Variants in MAN1C1 observed in about 807,000 individuals in gnomAD.
MAN1C1 encodes the protein mannosyl-oligosaccharide 1,2-alpha-mannosidase IC.
MAN1C1 carries 49 observed loss-of-function variants against 71.5 expected under a neutral mutation model. That is an observed-to-expected ratio of 0.69 (90% CI 0.54 to 0.87). The LOEUF is 0.87. Ranked by LOEUF, MAN1C1 falls within the 40% of genes least tolerant of loss-of-function variation. MAN1C1 has a pLI of 0.00. For synonymous variants in MAN1C1, 352 were observed against 343.7 expected (o/e 1.02, Z -0.27); for missense variants, 743 against 835.0 (o/e 0.89, Z 1.36).
At position 25,617,346 on chromosome 1, in the gene MAN1C1, C is replaced by A. The variant is rs2124743233; in HGVS notation, c.-452C>A. 6.6e-6 allele frequency: 1 copy of A among 151,740 alleles called. No homozygotes were observed. The highest frequency in any genetic ancestry group is 2.1e-4 in the South Asian group (1 of 4,822). 9.4% of individuals were successfully genotyped at this position (151,740 alleles called of 1,614,324 possible). A position where few individuals can be genotyped will look rare whatever the true frequency, so the allele number is the denominator to read the frequency against. On this transcript the variant is annotated 5_prime_UTR_variant, in exon 1 of 12. Transcript: ENST00000374332. This position sits in a 1 kb window ranked among gnomAD's most constrained non-coding sequence, Gnocchi z 5.1. Reference sequence around the variant, plus strand: ...CTGAAGCTGAAACTTTGGGCGCCTACCAGCGCGGGCGGGAGCCTAGGGGGC... The same window carrying A: ...CTGAAGCTGAAACTTTGGGCGCCTAACAGCGCGGGCGGGAGCCTAGGGGGC...
rs1366894155 is a variant in MAN1C1 at position 25,735,862 on chromosome 1, T to G, written c.638-10806T>G. Reference sequence around the variant, plus strand: ...TGTCCTCTAATCCCTGTGGCAAGTCTCATGGCCAAACGTAAGATCAAGGGC... The same window carrying G: ...TGTCCTCTAATCCCTGTGGCAAGTCGCATGGCCAAACGTAAGATCAAGGGC... On this transcript the variant is annotated intron_variant, in intron 2 of 11. Coordinates refer to ENST00000374332, the MANE Select transcript of MAN1C1 (RefSeq NM_020379.4). This position sits in a 1 kb window ranked among gnomAD's most constrained non-coding sequence, Gnocchi z 4.6. 2.0e-5 allele frequency among the ~76,000 whole-genome samples: 3 copies of G among 152,228 alleles called. No individual in the cohort carries two copies. The highest frequency in any genetic ancestry group is 4.4e-5 in the Non-Finnish European group (3 of 68,038).
chr1:25,686,220 G>T (rs2046228247), intron 1 of MAN1C1, among the ~76,000 whole-genome samples: 1 of 152,152 alleles, frequency 6.6e-6, no homozygotes, highest in Non-Finnish European at 1.5e-5. Flanking sequence ...CTGTGGGTAG[G>T]CCCTAGACAC....
In MAN1C1 at chr1:25,779,085, C is replaced by T. The variant is rs1334670929; in HGVS notation, c.1477+761C>T. 6.6e-5 allele frequency among the ~76,000 whole-genome samples: 10 copies of T among 152,192 alleles called. No homozygotes were observed. Among genetic ancestry groups the T allele is most frequent in the Admixed American group, 5.9e-4 (9 of 15,286 alleles). On this transcript the variant is annotated intron_variant, in intron 9 of 11. Coordinates refer to ENST00000374332, the MANE Select transcript of MAN1C1 (RefSeq NM_020379.4). The surrounding 1 kb of genome is among the most constrained non-coding windows in gnomAD (Gnocchi z 4.6). The stretch of plus-strand genomic sequence containing the variant: ...ACCCCTCAGAAAAATCCCCAGCCCC[C>T]GTGTGGTCCCAGGAGACGCCCACCG...
At chr1:25,672,148 C>T (rs1255759207) in intron 1 of MAN1C1, among the ~76,000 whole-genome samples, 1 of 152,158 alleles carries the variant, frequency 6.6e-6, no homozygotes, top group Non-Finnish European at 1.5e-5. Flanking sequence ...AGTCCAAAGG[C>T]CAGAGAACTT....
At chr1:25,671,626 G>A (rs926981878) in intron 1 of MAN1C1, among the ~76,000 whole-genome samples, 2 of 152,212 alleles carry the variant, frequency 1.3e-5, no homozygotes, top group Non-Finnish European at 2.9e-5. Flanking sequence ...GTGGTGGAAT[G>A]GAAAATGCAC....
chr1:25,782,510 G>A lies in MAN1C1; in HGVS notation c.1651-75G>A. ...GCTTTCTTCTAGCTCCAGCCTGCCA[G>A]GCATGCACAAGTCTTGAGGGGCCTT... On this transcript the variant is annotated intron_variant, in intron 10 of 11. Transcript: ENST00000374332. This position sits in a 1 kb window ranked among gnomAD's most constrained non-coding sequence, Gnocchi z 4.4. The A allele has an allele frequency of 1.0e-6, 1 of 956,370 alleles. No individual in the cohort carries two copies. 59.2% of individuals were successfully genotyped at this position (956,370 alleles called of 1,614,324 possible). A position where few individuals can be genotyped will look rare whatever the true frequency, so the allele number is the denominator to read the frequency against.
chr1:25,636,803 C>T (rs1329491693), intron 1 of MAN1C1, among the ~76,000 whole-genome samples: 2 of 152,208 alleles, frequency 1.3e-5, no homozygotes, highest in Non-Finnish European at 2.9e-5. Context: ...GAAATCTTCA[C>T]AATTTATGTT....
chr1:25,681,360 G>T (rs2046151091), intron 1 of MAN1C1, among the ~76,000 whole-genome samples: 1 of 152,230 alleles, frequency 6.6e-6, no homozygotes, highest in Non-Finnish European at 1.5e-5. Flanking sequence ...TCCCAGTGAA[G>T]ATGTGTAAGG....
chr1:25,666,636 T>C (rs1165897309), intron 1 of MAN1C1, among the ~76,000 whole-genome samples: 1 of 152,234 alleles, frequency 6.6e-6, no homozygotes, highest in East Asian at 1.9e-4. Flanking sequence ...CACTGGCAGC[T>C]GAGCCGACAT....
chr1:25,768,263 A>ACT (rs2047480495), intron 7 of MAN1C1, among the ~76,000 whole-genome samples: 1 of 2,044 alleles, frequency 4.9e-4, no homozygotes, highest in Non-Finnish European at 9.9e-4. Context: ...CTCCCCTCAC[A>ACT]CACATCACAT....
rs951348570 is a variant in MAN1C1 at position 25,665,450 on chromosome 1, C to T, written c.541-20990C>T. ...AATTTTAACCAGAATAGTTCTTACACGATGCAATATTCCCCAGTAGCAAGA... is the reference window on the plus strand; with the variant it reads ...AATTTTAACCAGAATAGTTCTTACATGATGCAATATTCCCCAGTAGCAAGA... On this transcript the variant is annotated intron_variant, in intron 1 of 11. Transcript: ENST00000374332. Among the ~76,000 whole-genome samples, 7 of 152,284 alleles carry T rather than the reference C, an allele frequency of 4.6e-5. No individual in the cohort carries two copies. In the East Asian group the frequency reaches 7.7e-4, roughly 17 times the overall value.
Position 25,727,867 on chromosome 1 carries a change from G to A in MAN1C1, c.638-18801G>A, listed in dbSNP as rs541520921. Among the ~76,000 whole-genome samples the A allele has an allele frequency of 1.2e-3, 180 of 152,356 alleles. 1 individual carries two copies. The highest frequency in any genetic ancestry group is 3.9e-3 in the African/African-American group (161 of 41,586). On this transcript the variant is annotated intron_variant, in intron 2 of 11. Transcript: ENST00000374332. Reference sequence around the variant, plus strand: ...CATGCTCTGAGCACAGAGCCTGGCCGAGGACACCAGAGAGCAGGAGAGCGT... The same window carrying A: ...CATGCTCTGAGCACAGAGCCTGGCCAAGGACACCAGAGAGCAGGAGAGCGT...
intron 5 of MAN1C1, among the ~76,000 whole-genome samples, chr1:25,755,707 A>G (rs2047276479): frequency 6.6e-6 from 1 of 152,144 alleles, no homozygotes; most frequent in Non-Finnish European, 1.5e-5. Context: ...CTTAATTAGA[A>G]TCCAGGTCTG....
At position 25,764,664 on chromosome 1, in the gene MAN1C1, C is replaced by T. The variant is rs1203228602; in HGVS notation, c.1141+697C>T. On this transcript the variant is annotated intron_variant, in intron 7 of 11. Transcript: ENST00000374332. The surrounding 1 kb of genome is among the most constrained non-coding windows in gnomAD (Gnocchi z 4.4). ...AACTCCTGACCTCAAATGATCCAAC[C>T]GCCTCGGCCTCCCAAAGTGCTGGGA... is the stretch of plus-strand genomic sequence containing the variant. Among the ~76,000 whole-genome samples, 1 of 151,920 alleles carries T rather than the reference C, an allele frequency of 6.6e-6. No individual in the cohort carries two copies. Among genetic ancestry groups the T allele is most frequent in the Admixed American group, 6.6e-5 (1 of 15,248 alleles).
At chr1:25,771,975 G>A in intron 8 of MAN1C1, 1 of 555,362 alleles carries the variant, frequency 1.8e-6, no homozygotes, top group East Asian at 3.1e-5. Context: ...CATGCTCTAA[G>A]ACTGGGGCTT....
intron 2 of MAN1C1, among the ~76,000 whole-genome samples, chr1:25,733,379 C>A (rs931769878): frequency 2.0e-5 from 3 of 152,118 alleles, no homozygotes; most frequent in Non-Finnish European, 2.9e-5. Context: ...GCCTCCACCC[C>A]CTCACTGCCC....
rs370338157 is a variant in MAN1C1 at position 25,617,899 on chromosome 1, C to T, written c.102C>T (p.Thr34=). Residue 34 remains threonine (T), a synonymous_variant, in exon 1 of 12, where the codon ACC becomes ACT. Transcript: ENST00000374332. The surrounding 1 kb of genome is among the most constrained non-coding windows in gnomAD (Gnocchi z 5.1). ...TCCTCTTCCTCTCGGGCCTGGTCAC[C>T]CTGTGCTTCGGGGCCCTCTTCCTGC... ...LFLLFLSGLV[T]LCFGALFLLP... is the part of the protein sequence containing the mutation. The T allele has an allele frequency of 5.6e-6, 9 of 1,608,528 alleles. No homozygotes were observed. The highest frequency in any genetic ancestry group is 6.8e-6 in the Non-Finnish European group (8 of 1,178,206).
rs1553180039 is a variant in MAN1C1, at chr1:25,617,170, C to T, written c.-628C>T. 1.3e-5 allele frequency among the ~76,000 whole-genome samples: 2 copies of T among 151,766 alleles called. No homozygotes were observed. Among genetic ancestry groups the T allele is most frequent in the Non-Finnish European group, 2.9e-5 (2 of 67,908 alleles). On this transcript the variant is annotated 5_prime_UTR_variant, in exon 1 of 12. Coordinates refer to ENST00000374332, the MANE Select transcript of MAN1C1 (RefSeq NM_020379.4). The surrounding 1 kb of genome is among the most constrained non-coding windows in gnomAD (Gnocchi z 5.1). ...GCTCCCTGGCCACTCCGGCTCCCAGCTCCCGGCGCCCTCTCCGCGGCGGAG... is the reference window on the plus strand; with the variant it reads ...GCTCCCTGGCCACTCCGGCTCCCAGTTCCCGGCGCCCTCTCCGCGGCGGAG...
At chr1:25,724,121 C>T (rs558553841) in intron 2 of MAN1C1, among the ~76,000 whole-genome samples, 10 of 152,004 alleles carry the variant, frequency 6.6e-5, no homozygotes, top group African/African-American at 1.2e-4. Context: ...CTCCGCCTCC[C>T]GGGTTCAAGC....
Sources: gnomAD v4.1 joint callset for allele counts (sites outside exome capture counted in the v4.1 genomes callset) on GRCh38, gnomAD v4.1.1 for gene constraint, Gnocchi (gnomAD v3.1) non-coding constraint, MANE v1.5 for transcripts, NCBI Gene and HGNC (gene_info 2026-07-23, HGNC 2026-07-21) for gene names.